Variants in CMTM4 observed in about 807,000 individuals in gnomAD.
CMTM4 encodes CKLF-like MARVEL transmembrane domain-containing protein 4.
A neutral mutation model predicts 19.0 loss-of-function variants in CMTM4; 8 were observed. The ratio of observed to expected loss-of-function variants is 0.42; its 90% CI spans 0.25 to 0.76. CMTM4 has a LOEUF of 0.76. CMTM4 is among the 30% of genes least tolerant of loss of function. The pLI is 0.27. For synonymous variants in CMTM4, 106 were observed against 121.1 expected (o/e 0.88, Z 0.82); for missense variants, 228 against 290.2 (o/e 0.79, Z 1.56).
At chr16:66,660,199 G>A (rs1937414680) in intron 1 of CMTM4, among the ~76,000 whole-genome samples, 3 of 152,006 alleles carry the variant, frequency 2.0e-5, no homozygotes, top group Admixed American at 1.3e-4. Flanking sequence ...ACCAGCCCGG[G>A]CAATCTAGTG....
intron 1 of CMTM4, among the ~76,000 whole-genome samples, chr16:66,665,023 A>T (rs1054749174): frequency 2.0e-5 from 3 of 152,092 alleles, no homozygotes; most frequent in Admixed American, 2.0e-4. Context: ...AGCTCAGTGC[A>T]GCCTTGACCT....
chr16:66,637,182 T>C (rs1218313677), intron 1 of CMTM4, among the ~76,000 whole-genome samples: 1 of 152,228 alleles, frequency 6.6e-6, no homozygotes, highest in African/African-American at 2.4e-5. Context: ...TTAAAAAATA[T>C]ATTTTTTGAA....
chr16:66,681,925 C>G (rs1257023376), intron 1 of CMTM4, among the ~76,000 whole-genome samples: 1 of 152,222 alleles, frequency 6.6e-6, no homozygotes, highest in Non-Finnish European at 1.5e-5. Flanking sequence ...CCTCCTTATT[C>G]CAGGCATTGG....
chr16:66,677,338 C>T (rs1024997452), intron 1 of CMTM4, among the ~76,000 whole-genome samples: 8 of 152,236 alleles, frequency 5.3e-5, no homozygotes, highest in Admixed American at 5.2e-4. Flanking sequence ...GGACATGAGG[C>T]CCTGCCTCAC....
chr16:66,648,983 A>G (rs933646844), intron 1 of CMTM4, among the ~76,000 whole-genome samples: 4 of 152,178 alleles, frequency 2.6e-5, no homozygotes, highest in Non-Finnish European at 4.4e-5. Context: ...AAAAGAAAAG[A>G]AAAGGAAAAG....
chr16:66,644,216 C>T (rs2016147987), intron 1 of CMTM4, among the ~76,000 whole-genome samples: 1 of 152,158 alleles, frequency 6.6e-6, no homozygotes. Flanking sequence ...CATGAAGAAA[C>T]AAGTGTTCAG....
chr16:66,685,887 T>C (rs747846204), intron 1 of CMTM4, among the ~76,000 whole-genome samples: 3 of 152,106 alleles, frequency 2.0e-5, no homozygotes, highest in Non-Finnish European at 4.4e-5. Context: ...TCAGGCAATC[T>C]GTCCACCTCG....
At chr16:66,663,181 A>G (rs2016528309) in intron 1 of CMTM4, among the ~76,000 whole-genome samples, 1 of 152,250 alleles carries the variant, frequency 6.6e-6, no homozygotes, top group Non-Finnish European at 1.5e-5. Flanking sequence ...ACAAGACCAG[A>G]GTCCCATAAC....
intron 1 of CMTM4, among the ~76,000 whole-genome samples, chr16:66,655,747 A>G (rs2016387880): frequency 6.6e-6 from 1 of 152,112 alleles, no homozygotes; most frequent in African/African-American, 2.4e-5. Context: ...TGAAGGGAAC[A>G]TGTCTAAAGG....
At chr16:66,613,268 G>T, downstream of CMTM4, 1 of 634,838 alleles carries the variant, frequency 1.6e-6, no homozygotes, top group South Asian at 1.8e-5. Context: ...CATGTCTTCT[G>T]GGGGTGAGAT....
At chr16:66,653,237 G>C (rs978326675) in intron 1 of CMTM4, among the ~76,000 whole-genome samples, 1 of 152,164 alleles carries the variant, frequency 6.6e-6, no homozygotes, top group Admixed American at 6.5e-5. Context: ...CTCATTGAAT[G>C]AGAAACGAGC....
rs145976938 is a variant in CMTM4 at position 66,691,284 on chromosome 16, C to CA, written c.186+5055dup. On this transcript the variant is annotated intron_variant, in intron 1 of 3. Coordinates refer to ENST00000394106, the MANE Select transcript of CMTM4 (RefSeq NM_181521.3). ...GCGACCAACCTGGGCAACACAGTCT[C>CA]ATTAGACTGTCTTTATTCATTTAAA... is the stretch of plus-strand genomic sequence containing the variant. Among the ~76,000 whole-genome samples, 1,448 of 151,886 alleles carry CA rather than the reference C, an allele frequency of 9.5e-3. 75 individuals carry two copies. In the East Asian group the frequency reaches 0.15, roughly 16 times the overall value.
intron 1 of CMTM4, among the ~76,000 whole-genome samples, chr16:66,653,955 G>A (rs1355528134): frequency 6.6e-6 from 1 of 151,958 alleles, no homozygotes; most frequent in African/African-American, 2.4e-5. Context: ...TGGCCAGGCC[G>A]GTCTCAAACT....
At chr16:66,671,728 AG>A (rs1204056309) in intron 1 of CMTM4, among the ~76,000 whole-genome samples, 1 of 152,176 alleles carries the variant, frequency 6.6e-6, no homozygotes, top group Non-Finnish European at 1.5e-5. Flanking sequence ...CTACCCAAAT[AG>A]ACCATCAGAT....
At chr16:66,601,715 T>A in the CMTM4 span, among the ~76,000 whole-genome samples, 1 of 152,152 alleles carries the variant, frequency 6.6e-6, no homozygotes, top group South Asian at 2.1e-4. Flanking sequence ...TGCTCCCAGA[T>A]CAGAGCACGT....
intron 1 of CMTM4, among the ~76,000 whole-genome samples, chr16:66,638,239 C>G (rs1054385832): frequency 3.3e-5 from 5 of 152,282 alleles, no homozygotes; most frequent in South Asian, 2.1e-4. Flanking sequence ...CCATCTACCC[C>G]CAAGGCACCA....
chr16:66,659,780 AAGG>A (rs1433636213), intron 1 of CMTM4, among the ~76,000 whole-genome samples: 1 of 152,176 alleles, frequency 6.6e-6, no homozygotes, highest in Non-Finnish European at 1.5e-5. Flanking sequence ...TACAACAAAA[AAGG>A]AGGGGAGCGT....
chr16:66,601,791 G>C, the CMTM4 span, among the ~76,000 whole-genome samples: 1 of 152,230 alleles, frequency 6.6e-6, no homozygotes, highest in Non-Finnish European at 1.5e-5. Flanking sequence ...GCAGGTGGGG[G>C]CCTTCCTGGG....
chr16:66,684,235 T>C (rs1400505620), intron 1 of CMTM4, among the ~76,000 whole-genome samples: 3 of 152,114 alleles, frequency 2.0e-5, no homozygotes, highest in Admixed American at 2.0e-4. Flanking sequence ...AGCAGTGGCA[T>C]GATCTCGGCT....
Sources: gnomAD v4.1 joint callset for allele counts (sites outside exome capture counted in the v4.1 genomes callset) on GRCh38, gnomAD v4.1.1 for gene constraint, MANE v1.5 for transcripts, NCBI Gene and HGNC (gene_info 2026-07-23, HGNC 2026-07-21) for gene names.